Variants in SHPRH observed in about 807,000 individuals in gnomAD.
SHPRH encodes E3 ubiquitin-protein ligase SHPRH.
In SHPRH, 106 loss-of-function variants were observed where a neutral mutation model predicts 202.5. The observed-to-expected ratio is 0.52, with a 90% CI of 0.45 to 0.62. The LOEUF (loss-of-function observed/expected upper bound fraction) is 0.62, where lower values mean the gene tolerates loss of function less well. SHPRH is among the 20% of genes least tolerant of loss of function. The probability of loss-of-function intolerance (pLI) is 0.00; values close to 1 mark genes in which losing one functional copy is unlikely to be tolerated. For synonymous variants in SHPRH, 729 were observed against 686.0 expected (o/e 1.06, Z -0.98); for missense variants, 1,710 against 2,020.0 (o/e 0.85, Z 2.94).
chr6:145,922,626 G>T (rs1784519488), intron 19 of SHPRH, 37 bp downstream of exon 19: 1 of 1,547,272 alleles, frequency 6.5e-7, no homozygotes, highest in South Asian at 1.2e-5. Context: ...TTAAAGAAAT[G>T]GTACCATTTC....
chr6:145,858,732 A>G, the SHPRH span, among the ~76,000 whole-genome samples: 1 of 152,196 alleles, frequency 6.6e-6, no homozygotes, highest in African/African-American at 2.4e-5. Flanking sequence ...CCTCAGTAAA[A>G]CTTAAAACAA....
At chr6:145,927,364 G>GT in intron 14 of SHPRH, 87 bp from the exon 15 acceptor site, 1 of 1,161,556 alleles carries the variant, frequency 8.6e-7, no homozygotes, top group Admixed American at 2.2e-5. Flanking sequence ...TAAGAATACT[G>GT]TAAAAATAAA....
intron 3 of SHPRH, 70 bp from the exon 4 acceptor site, chr6:145,950,552 A>T (rs771060962): frequency 6.9e-7 from 1 of 1,448,504 alleles, no homozygotes; most frequent in Non-Finnish European, 9.5e-7. Flanking sequence ...TTCTTATTCT[A>T]AGAGCATACA....
chr6:145,929,712 G>A (rs1785234324), intron 14 of SHPRH, among the ~76,000 whole-genome samples: 1 of 151,946 alleles, frequency 6.6e-6, no homozygotes, highest in Non-Finnish European at 1.5e-5. Context: ...CTAAATTGAG[G>A]ACTTTCTAGG....
intron 28 of SHPRH, among the ~76,000 whole-genome samples, chr6:145,889,383 G>T (rs999077651): frequency 6.6e-6 from 1 of 151,996 alleles, no homozygotes; most frequent in African/African-American, 2.4e-5. Context: ...GTATCAGAGT[G>T]TTTTTTTCTT....
Position 145,886,371 on chromosome 6 carries a change from A to G in SHPRH, c.*320T>C. On this transcript the variant is annotated 3_prime_UTR_variant, in exon 30 of 30. Transcript: ENST00000275233. ...TTTACTTTCTTATTCCAACTGTTTT[A>G]TGAGTGATCTTATCATAAGAAAAGT... 1.4e-6 allele frequency: 1 copy of G among 695,528 alleles called. No individual in the cohort carries two copies. The highest frequency in any genetic ancestry group is 2.1e-5 in the Admixed American group (1 of 46,986). 43.1% of individuals were successfully genotyped at this position (695,528 alleles called of 1,614,324 possible). A position where few individuals can be genotyped will look rare whatever the true frequency, so the allele number is the denominator to read the frequency against.
chr6:145,956,393 G>A (rs768220646), intron 1 of SHPRH, among the ~76,000 whole-genome samples: 5 of 152,048 alleles, frequency 3.3e-5, no homozygotes, highest in Non-Finnish European at 7.4e-5. Flanking sequence ...TGAAAAGTGA[G>A]GACTTCTCTC....
Position 145,960,944 on chromosome 6 carries a change from T to C in SHPRH, c.-33+2787A>G, listed in dbSNP as rs117902723. Among the ~76,000 whole-genome samples the C allele has an allele frequency of 5.4e-3, 826 of 152,266 alleles. 1 individual carries two copies. The highest frequency in any genetic ancestry group is 8.4e-3 in the Non-Finnish European group (574 of 68,030). ...TAGATCATCAGGCATTAGGTTTTAATAAGAAGTGCACAACCTAGATCCTGC... is the reference window on the plus strand; with the variant it reads ...TAGATCATCAGGCATTAGGTTTTAACAAGAAGTGCACAACCTAGATCCTGC... On this transcript the variant is annotated intron_variant, in intron 1 of 29. Coordinates refer to ENST00000275233, the MANE Select transcript of SHPRH (RefSeq NM_001042683.3).
chr6:145,859,091 C>A, the SHPRH span, among the ~76,000 whole-genome samples: 437 of 152,026 alleles, frequency 2.9e-3, 2 homozygotes, highest in African/African-American at 0.01. Context: ...ACAATGCATG[C>A]AAAACAACCC....
intron 23 of SHPRH, 130 bp from the exon 24 acceptor site, chr6:145,913,679 C>G (rs1783695629): frequency 1.6e-6 from 1 of 625,784 alleles, no homozygotes; most frequent in Non-Finnish European, 2.7e-6. Context: ...ATTTAGATGA[C>G]CCATCGATCT....
intron 2 of SHPRH, among the ~76,000 whole-genome samples, chr6:145,953,035 T>G (rs559003493): frequency 3.3e-5 from 5 of 152,204 alleles, no homozygotes; most frequent in African/African-American, 1.2e-4. Context: ...CTAAATGAAT[T>G]TGAGAAAAAT....
chr6:145,886,765 G>A lies in SHPRH; in HGVS notation c.4978C>T (p.His1660Tyr). The change falls in exon 30 of 30, where the codon CAT becomes TAT. Residue 1660 changes from histidine to tyrosine, a missense_variant. Around this residue, in one of 8 missense-constraint regions of SHPRH, gnomAD observed 306 missense variants for 479.5 expected, o/e 0.64. Transcript: ENST00000275233. ...ACAGTCAAGACAGAGGCCTCTGAAT[G>A]CTTTGCTGATGAGTTCGTGTGACTG... ...ERSHTNSSAK[H>Y]SEASVLTVAD... The A allele has an allele frequency of 8.7e-6, 14 of 1,613,644 alleles. No homozygotes were observed. Among genetic ancestry groups the A allele is most frequent in the Non-Finnish European group, 1.1e-5 (13 of 1,179,716 alleles).
chr6:145,926,151 C>A (rs1329844597), intron 16 of SHPRH, 53 bp downstream of exon 16: 2 of 1,445,578 alleles, frequency 1.4e-6, no homozygotes, highest in East Asian at 4.6e-5. Flanking sequence ...CTATATGGAG[C>A]ATAAAGTTTG....
chr6:145,918,590 T>G (rs1342483098), intron 22 of SHPRH: 1 of 154,448 alleles, frequency 6.5e-6, no homozygotes, highest in Non-Finnish European at 1.4e-5. Context: ...AGTGATTTCA[T>G]GAAATCCAGG....
At chr6:145,961,455 G>A (rs1241720300) in intron 1 of SHPRH, among the ~76,000 whole-genome samples, 2 of 152,184 alleles carry the variant, frequency 1.3e-5, no homozygotes, top group African/African-American at 4.8e-5. Context: ...TGACTGCCCA[G>A]CTTGGTTTGG....
At position 145,941,725 on chromosome 6, in the gene SHPRH, C is replaced by T. The variant is rs1786797031; in HGVS notation, c.2388G>A (p.Arg796=). 1 of 1,613,918 alleles carries T rather than the reference C, an allele frequency of 6.2e-7. No individual in the cohort carries two copies. ...HSNSEDGRRL[R]NQKRYMAIPS... is the part of the protein sequence containing the mutation. ...GGATAGCCATATAGCGCTTCTGGTT[C>T]CGTAGGCGACGCCCATCCTCACTAT... The change falls in exon 10 of 30, where the codon CGG becomes CGA. Residue 796 remains arginine (R), a synonymous_variant. Coordinates refer to ENST00000275233, the MANE Select transcript of SHPRH (RefSeq NM_001042683.3).
At chr6:145,952,279 T>C in intron 3 of SHPRH, 70 bp downstream of exon 3, 2 of 1,382,160 alleles carry the variant, frequency 1.4e-6, no homozygotes, top group Non-Finnish European at 9.8e-7. Flanking sequence ...GATTGTTATG[T>C]CCAGGGGTTA....
intron 10 of SHPRH, 27 bp from the exon 11 acceptor site, chr6:145,940,828 A>G: frequency 6.2e-7 from 1 of 1,611,136 alleles, no homozygotes; most frequent in Non-Finnish European, 8.5e-7. Context: ...ATGAAATAAA[A>G]ATGAAATCCA....
chr6:145,945,498 C>G lies in SHPRH; in HGVS notation c.1461G>C (p.Leu487=). 1 of 1,613,320 alleles carries G rather than the reference C, an allele frequency of 6.2e-7. No individual in the cohort carries two copies. Among genetic ancestry groups the G allele is most frequent in the Non-Finnish European group, 8.5e-7 (1 of 1,179,582 alleles). The part of the protein sequence containing the change: ...QRNRSLLKRM[L]KCLIFEGLVK... ...CGAGACCTTCAAAAATTAAACATTT[C>G]AGCATCCGTTTCAAAAGACTCCTGT... Residue 487 remains leucine (L), a synonymous_variant, in exon 8 of 30, where the codon CTG becomes CTC. Transcript: ENST00000275233.
Sources: gnomAD v4.1 joint callset for allele counts (sites outside exome capture counted in the v4.1 genomes callset) on GRCh38, gnomAD v4.1.1 for gene constraint, gnomAD v4.1.1 regional missense constraint, MANE v1.5 for transcripts, NCBI Gene and HGNC (gene_info 2026-07-23, HGNC 2026-07-21) for gene names.